The following XKR4 variants were observed in gnomAD, a reference collection of about 807,000 sequenced individuals.
XKR4 encodes XK related 4.
A neutral mutation model predicts 53.9 loss-of-function variants in XKR4; 12 were observed. The ratio of observed to expected loss-of-function variants is 0.22; its 90% confidence interval spans 0.14 to 0.36. The LOEUF is 0.36. XKR4 is among the 10% of genes least tolerant of loss of function. The pLI is 1.00. For synonymous variants in XKR4, 354 were observed against 362.4 expected, an observed-to-expected ratio of 0.98 and a Z score of 0.26; for missense variants, 799 against 859.5, an observed-to-expected ratio of 0.93 and a Z score of 0.88.
chr8:55,480,246 C>A (rs899090868), intron 2 of XKR4, among the ~76,000 whole-genome samples: 1 of 152,152 alleles, frequency 6.6e-6, no homozygotes, highest in Non-Finnish European at 1.5e-5. Flanking sequence ...GCTGTTTCAA[C>A]ATACGCAAAT....
intron 2 of XKR4, among the ~76,000 whole-genome samples, chr8:55,490,072 C>A (rs1806250108): frequency 1.3e-5 from 2 of 151,990 alleles, no homozygotes; most frequent in African/African-American, 4.8e-5. Flanking sequence ...TAATCTTTAC[C>A]ATTTCTGACA....
intron 1 of XKR4, among the ~76,000 whole-genome samples, chr8:55,341,354 AG>A (rs1256742105): frequency 1.3e-5 from 2 of 152,144 alleles, no homozygotes; most frequent in African/African-American, 4.8e-5. Context: ...TCATTGGCAG[AG>A]GGCTGCTCCC....
At chr8:55,366,204 C>A (rs1037302739) in intron 2 of XKR4, among the ~76,000 whole-genome samples, 8 of 152,248 alleles carry the variant, frequency 5.3e-5, no homozygotes, top group African/African-American at 1.9e-4. Context: ...CAGAACCCAC[C>A]GGGCAGCCAG....
chr8:55,218,335 G>A (rs1817832859), intron 1 of XKR4, among the ~76,000 whole-genome samples: 1 of 152,152 alleles, frequency 6.6e-6, no homozygotes. Context: ...CCTAGAAAAA[G>A]GAAGCATTTC....
intron 1 of XKR4, among the ~76,000 whole-genome samples, chr8:55,110,878 AT>A (rs1267064698): frequency 1.3e-5 from 2 of 152,158 alleles, no homozygotes; most frequent in Non-Finnish European, 2.9e-5. Context: ...TGTAATTCTT[AT>A]CATCATAAAA....
At chr8:55,391,815 T>A (rs1167205791) in intron 2 of XKR4, among the ~76,000 whole-genome samples, 1 of 152,170 alleles carries the variant, frequency 6.6e-6, no homozygotes, top group Non-Finnish European at 1.5e-5. Flanking sequence ...AAATGACTTG[T>A]TTCAAATGTT....
chr8:55,354,470 G>A (rs993370426), intron 1 of XKR4, among the ~76,000 whole-genome samples: 3 of 152,152 alleles, frequency 2.0e-5, no homozygotes, highest in African/African-American at 2.4e-5. Context: ...CAAATAAAAG[G>A]GGGGAGGAGC....
intron 2 of XKR4, among the ~76,000 whole-genome samples, chr8:55,424,107 T>C (rs1046384696): frequency 2.6e-5 from 4 of 152,204 alleles, no homozygotes; most frequent in African/African-American, 7.2e-5. Flanking sequence ...GGCAATTAAT[T>C]TGATTTTGCA....
At chr8:55,163,311 T>C (rs560819090) in intron 1 of XKR4, among the ~76,000 whole-genome samples, 1 of 152,312 alleles carries the variant, frequency 6.6e-6, no homozygotes, top group African/African-American at 2.4e-5. Context: ...TTAAAATAGA[T>C]CGCATTTAGG....
chr8:55,413,023 C>T (rs964972892), intron 2 of XKR4, among the ~76,000 whole-genome samples: 4 of 152,184 alleles, frequency 2.6e-5, no homozygotes, highest in Non-Finnish European at 4.4e-5. Flanking sequence ...CTCTGAAGGG[C>T]AGGGATGGAA....
At chr8:55,110,204 G>A (rs1287059434) in intron 1 of XKR4, among the ~76,000 whole-genome samples, 1 of 152,102 alleles carries the variant, frequency 6.6e-6, no homozygotes, top group Non-Finnish European at 1.5e-5. Flanking sequence ...ATTGTTGTTG[G>A]AATTTAGGGA....
rs553993122 is a variant in XKR4, at chr8:55,151,550, T to C, written c.806+48256T>C. Among the ~76,000 whole-genome samples, 12 of 152,356 alleles carry C rather than the reference T, an allele frequency of 7.9e-5. No homozygotes were observed. In the South Asian group the frequency reaches 2.3e-3, roughly 29 times the overall value. The stretch of plus-strand genomic sequence containing the variant: ...CTATATGACAAAAAATAGATTATCA[T>C]AATCTATTATAGTAGAGTGTACTTA... On this transcript the variant is annotated intron_variant, in intron 1 of 2. Coordinates refer to ENST00000327381, the MANE Select transcript of XKR4 (RefSeq NM_052898.2).
rs750732189 is a variant in XKR4, at chr8:55,357,710, G to T, written c.839G>T (p.Ser280Ile). The T allele has an allele frequency of 6.2e-7, 1 of 1,614,218 alleles. No homozygotes were observed. The highest frequency in any genetic ancestry group is 8.5e-7 in the Non-Finnish European group (1 of 1,180,032). Residue 280 changes from serine to isoleucine, a missense_variant, in exon 2 of 3, where the codon AGC (serine) becomes ATC (isoleucine). By Grantham distance (142) the Ser-to-Ile change is moderately radical (BLOSUM62 -2). Around this residue, in one of 3 missense-constraint regions of XKR4, gnomAD observed 476 missense variants for 505.4 expected, o/e 0.94. Coordinates refer to ENST00000327381, the MANE Select transcript of XKR4 (RefSeq NM_052898.2). ...CACACAATATACTTAGGTATTCGAA[G>T]CCGACAGAGTGGGGAGAATGACAGA... The part of the protein sequence containing the change: ...YFHTIYLGIR[S>I]RQSGENDRWR...
chr8:55,107,723 G>C (rs1816169385), intron 1 of XKR4, among the ~76,000 whole-genome samples: 1 of 152,076 alleles, frequency 6.6e-6, no homozygotes, highest in South Asian at 2.1e-4. Context: ...AAACTAAGGA[G>C]GATATAGGTT....
At position 55,293,046 on chromosome 8, in the gene XKR4, A is replaced by G. The variant is rs1819052373; in HGVS notation, c.807-64632A>G. Among the ~76,000 whole-genome samples, 2 of 150,474 alleles carry G rather than the reference A, an allele frequency of 1.3e-5. 1 individual carries two copies. Among genetic ancestry groups the G allele is most frequent in the South Asian group, 4.2e-4 (2 of 4,790 alleles). The stretch of plus-strand genomic sequence containing the variant: ...TTTTCCATTGTATTTTAAAATCCAT[A>G]TAGTTTGGCCAGGTGCGGTGGCTCA... On this transcript the variant is annotated intron_variant, in intron 1 of 2. Transcript: ENST00000327381.
At chr8:55,482,774 A>T (rs552127507) in intron 2 of XKR4, among the ~76,000 whole-genome samples, 5 of 152,200 alleles carry the variant, frequency 3.3e-5, no homozygotes, top group African/African-American at 1.2e-4. Flanking sequence ...CTAACTGATA[A>T]TTTTCATTGA....
At chr8:55,119,265 C>T (rs1816354537) in intron 1 of XKR4, among the ~76,000 whole-genome samples, 1 of 152,048 alleles carries the variant, frequency 6.6e-6, no homozygotes. Flanking sequence ...GAAGGGACTC[C>T]CATACTGGGA....
In XKR4 at chr8:55,489,476, C is replaced by T. The variant is rs148784288; in HGVS notation, c.1007-33805C>T. Among the ~76,000 whole-genome samples, 41 of 151,854 alleles carry T rather than the reference C, an allele frequency of 2.7e-4. No individual in the cohort carries two copies. In the East Asian group the frequency reaches 7.5e-3, roughly 28 times the overall value. On this transcript the variant is annotated intron_variant, in intron 2 of 2. Coordinates refer to ENST00000327381, the MANE Select transcript of XKR4 (RefSeq NM_052898.2). ...GAGATATTTTTGCAAATTAAAAACC[C>T]GTGGAGAGATAAGTTTGGAAACAAA... is the stretch of plus-strand genomic sequence containing the variant.
intron 2 of XKR4, chr8:55,517,315 G>A (rs1806727332): frequency 6.6e-6 from 1 of 151,832 alleles, no homozygotes; most frequent in Admixed American, 6.6e-5. Context: ...AAATGACAGG[G>A]GAAAATGCAC....
Sources: gnomAD v4.1 joint callset for allele counts (sites outside exome capture counted in the v4.1 genomes callset) on GRCh38, gnomAD v4.1.1 for gene constraint, gnomAD v4.1.1 regional missense constraint, MANE v1.5 for transcripts, NCBI Gene and HGNC (gene_info 2026-07-23, HGNC 2026-07-21) for gene names.